DBNDD1: variants seen among roughly 807,000 people sequenced by gnomAD.
DBNDD1 encodes dysbindin domain-containing protein 1.
Under a neutral mutation model 17.0 loss-of-function variants are expected in DBNDD1, and 14 were observed. The ratio of observed to expected loss-of-function variants is 0.82; its 90% CI spans 0.54 to 1.29. The LOEUF is 1.29. DBNDD1 is among the 50% of genes most tolerant of loss of function. The probability of loss-of-function intolerance (pLI) is 0.00; values close to 1 mark genes in which losing one functional copy is unlikely to be tolerated. For missense variants in DBNDD1, 221 were observed against 216.2 expected (o/e 1.02, Z -0.14); for synonymous variants, 105 against 102.0 (o/e 1.03, Z -0.18).
intron 1 of DBNDD1, among the ~76,000 whole-genome samples, chr16:90,011,152 T>A (rs972265406): frequency 5.3e-5 from 8 of 152,194 alleles, no homozygotes; most frequent in African/African-American, 1.9e-4. Flanking sequence ...CCCCCAGCGG[T>A]GAGCACTGAT....
At chr16:90,006,713 C>T (rs1016901102) in intron 3 of DBNDD1, 2 of 611,926 alleles carry the variant, frequency 3.3e-6, no homozygotes, top group Non-Finnish European at 5.6e-6. Flanking sequence ...TGGGCAGGGT[C>T]TTTTCTGGTG....
chr16:90,018,750 C>G (rs2035698188), intron 1 of DBNDD1, among the ~76,000 whole-genome samples: 1 of 152,194 alleles, frequency 6.6e-6, no homozygotes, highest in African/African-American at 2.4e-5. Flanking sequence ...CTGGGCCACT[C>G]CCGGACCAGC....
chr16:90,019,864 C>G (rs1451338489), upstream of DBNDD1: 1 of 682,530 alleles, frequency 1.5e-6, no homozygotes, highest in South Asian at 1.5e-5. The surrounding 1 kb of genome is among the most constrained non-coding windows in gnomAD (Gnocchi z 6.1). Context: ...ATGACAGACT[C>G]ACAGAGCGCC....
chr16:90,008,905 G>C lies in DBNDD1; in HGVS notation c.198C>G (p.Ser66=). The C allele has an allele frequency of 1.9e-6, 3 of 1,574,806 alleles. No individual in the cohort carries two copies. Among genetic ancestry groups the C allele is most frequent in the Non-Finnish European group, 1.7e-6 (2 of 1,155,682 alleles). Residue 66 remains serine, a synonymous_variant, in exon 3 of 4, where the codon TCC becomes TCG. Coordinates refer to ENST00000002501, the MANE Select transcript of DBNDD1 (RefSeq NM_001042610.3). The part of the protein sequence containing the change: ...TERRQPLSSV[S]SLEVHFDLLD... ...GGAGGTCGAAGTGGACCTCCAGAGA[G>C]GAGACGCTGCTCAGAGGCTCTGAGG...
Position 90,008,830 on chromosome 16 carries a change from G to C in DBNDD1, c.273C>G (p.Val91=), listed in dbSNP as rs1186951857. Residue 91 remains valine, a synonymous_variant, in exon 3 of 4, where the codon GTC becomes GTG. Coordinates refer to ENST00000002501, the MANE Select transcript of DBNDD1 (RefSeq NM_001042610.3). ...TDMSDQELAE[V]FADSDDENLN... ...GGTTCTCGTCGTCCGAGTCAGCAAA[G>C]ACCTCGGCCAGCTCCTGGTCCGACA... 2.5e-6 allele frequency: 4 copies of C among 1,604,936 alleles called. No individual in the cohort carries two copies. In the Admixed American group the frequency reaches 6.7e-5, roughly 27 times the overall value.
intron 1 of DBNDD1, among the ~76,000 whole-genome samples, chr16:90,017,438 T>G (rs1009146095): frequency 2.0e-5 from 3 of 151,384 alleles, no homozygotes; most frequent in African/African-American, 7.3e-5. Context: ...GAGGTTGCAG[T>G]GAGCCGAGAT....
chr16:90,011,582 G>C (rs1217143925), intron 1 of DBNDD1: 1 of 444,364 alleles, frequency 2.3e-6, no homozygotes, highest in Admixed American at 2.4e-5. Flanking sequence ...TGGCCCACCT[G>C]CCTCCTGTCT....
intron 1 of DBNDD1, among the ~76,000 whole-genome samples, chr16:90,017,492 C>T (rs1012027804): frequency 5.6e-5 from 6 of 106,212 alleles, no homozygotes; most frequent in African/African-American, 2.0e-4. Flanking sequence ...GAGACTCCGT[C>T]TCAAAAAAAA....
At chr16:90,013,770 A>G (rs1273626660) in intron 1 of DBNDD1, among the ~76,000 whole-genome samples, 1 of 152,154 alleles carries the variant, frequency 6.6e-6, no homozygotes, top group Non-Finnish European at 1.5e-5. Flanking sequence ...GGGACATGGC[A>G]TAGACAAAAT....
intron 1 of DBNDD1, among the ~76,000 whole-genome samples, chr16:90,016,523 C>G (rs1186622165): frequency 1.3e-5 from 2 of 152,142 alleles, no homozygotes; most frequent in Non-Finnish European, 1.5e-5. Flanking sequence ...CAGCAATGTT[C>G]TGGTCCTTAC....
Position 90,008,828 on chromosome 16 carries a change from A to C in DBNDD1, c.275T>G (p.Phe92Cys). 6.2e-7 allele frequency: 1 copy of C among 1,604,700 alleles called. No homozygotes were observed. The highest frequency in any genetic ancestry group is 8.5e-7 in the Non-Finnish European group (1 of 1,173,770). ...GAGGTTCTCGTCGTCCGAGTCAGCAAAGACCTCGGCCAGCTCCTGGTCCGA... is the reference window on the plus strand; with the variant it reads ...GAGGTTCTCGTCGTCCGAGTCAGCACAGACCTCGGCCAGCTCCTGGTCCGA... Reference protein sequence around the residue: ...DMSDQELAEVFADSDDENLNT... With the variant: ...DMSDQELAEVCADSDDENLNT... Residue 92 changes from phenylalanine to cysteine, a missense_variant, in exon 3 of 4, where the codon TTT (phenylalanine) becomes TGT (cysteine). Physicochemically the swap from Phe to Cys is radical, Grantham distance 205 (BLOSUM62 -2). Transcript: ENST00000002501.
At chr16:90,015,277 A>G (rs546707162) in intron 1 of DBNDD1, among the ~76,000 whole-genome samples, 1 of 152,282 alleles carries the variant, frequency 6.6e-6, no homozygotes, top group East Asian at 1.9e-4. Context: ...AGAATGTGAT[A>G]CCAGGGACAA....
chr16:90,009,944 G>T, intron 1 of DBNDD1: 1 of 1,611,416 alleles, frequency 6.2e-7, no homozygotes. Flanking sequence ...CTCATTAAAT[G>T]AAAGTTACAA....
chr16:90,007,724 A>T (rs1824070708), intron 3 of DBNDD1: 1 of 152,334 alleles, frequency 6.6e-6, no homozygotes, highest in Admixed American at 6.5e-5. Flanking sequence ...TTGAGGGGAC[A>T]GTGGCTTTAG....
intron 3 of DBNDD1, chr16:90,007,798 T>G (rs2035457304): frequency 6.5e-6 from 1 of 152,904 alleles, no homozygotes; most frequent in Non-Finnish European, 1.5e-5. Flanking sequence ...TGCTTCAAGT[T>G]GGGCAGATAG....
chr16:90,011,992 G>A (rs2035563285), intron 1 of DBNDD1, among the ~76,000 whole-genome samples: 2 of 152,214 alleles, frequency 1.3e-5, no homozygotes, highest in Non-Finnish European at 2.9e-5. Flanking sequence ...CCAGGCCCCC[G>A]CCCACAGTGT....
At chr16:90,011,339 G>C (rs750160513) in intron 1 of DBNDD1, among the ~76,000 whole-genome samples, 18 of 152,194 alleles carry the variant, frequency 1.2e-4, no homozygotes, top group Non-Finnish European at 2.6e-4. Flanking sequence ...CGTCCGTCCC[G>C]GTGCACCCCC....
At chr16:90,008,031 G>T (rs58858173) in intron 3 of DBNDD1, among the ~76,000 whole-genome samples, 466 of 34,574 alleles carry the variant, frequency 0.013, no homozygotes, top group Middle Eastern at 0.028. Flanking sequence ...CTCCCAGGAC[G>T]TCCCAAGGGG....
Position 90,019,435 on chromosome 16 carries a change from G to A in DBNDD1, c.-94C>T. ...GCGGCAGCGACTCGGCCCCGGCTCCGGGCGCAGCGCATCGGGGCAGCAACC... is the reference window on the plus strand; with the variant it reads ...GCGGCAGCGACTCGGCCCCGGCTCCAGGCGCAGCGCATCGGGGCAGCAACC... On this transcript the variant is annotated 5_prime_UTR_variant, in exon 1 of 4. Transcript: ENST00000002501. This position sits in a 1 kb window ranked among gnomAD's most constrained non-coding sequence, Gnocchi z 6.1. 1 of 747,134 alleles carries A rather than the reference G, an allele frequency of 1.3e-6. No individual in the cohort carries two copies. Among genetic ancestry groups the A allele is most frequent in the Non-Finnish European group, 1.7e-6 (1 of 575,554 alleles). 46.3% of individuals were successfully genotyped at this position (747,134 alleles called of 1,614,324 possible). A position where few individuals can be genotyped will look rare whatever the true frequency, so the allele number is the denominator to read the frequency against.
Sources: gnomAD v4.1 joint callset for allele counts (sites outside exome capture counted in the v4.1 genomes callset) on GRCh38, gnomAD v4.1.1 for gene constraint, Gnocchi (gnomAD v3.1) non-coding constraint, MANE v1.5 for transcripts, NCBI Gene and HGNC (gene_info 2026-07-23, HGNC 2026-07-21) for gene names.